SCAF4: variants seen among roughly 807,000 people sequenced by gnomAD.
SCAF4 encodes SR-related and CTD-associated factor 4.
In SCAF4, 25 loss-of-function variants were observed where a neutral mutation model predicts 129.8. The ratio of observed to expected loss-of-function variants is 0.19; its 90% confidence interval spans 0.14 to 0.27. The LOEUF (loss-of-function observed/expected upper bound fraction) is 0.27. Among genes scored for constraint, SCAF4 ranks in the 10% least tolerant of loss-of-function variants. SCAF4 has a pLI of 1.00. For synonymous variants in SCAF4, 551 were observed against 497.7 expected (o/e 1.11, Z -1.43); for missense variants, 1,246 against 1,457.1 (o/e 0.86, Z 2.36).
At chr21:31,716,767 A>G (rs991320667) in intron 1 of SCAF4, among the ~76,000 whole-genome samples, 3 of 152,162 alleles carry the variant, frequency 2.0e-5, no homozygotes, top group Non-Finnish European at 2.9e-5. Flanking sequence ...CCTTCAATAT[A>G]TAATTTACTA....
Position 31,694,306 on chromosome 21 carries a change from C to T in SCAF4, c.1237-17G>A. 6.7e-7 allele frequency: 1 copy of T among 1,486,844 alleles called. No homozygotes were observed. Among genetic ancestry groups the T allele is most frequent in the Non-Finnish European group, 9.3e-7 (1 of 1,077,996 alleles). 92.1% of individuals were successfully genotyped at this position (1,486,844 alleles called of 1,614,324 possible). A position where few individuals can be genotyped will look rare whatever the true frequency, so the allele number is the denominator to read the frequency against. On this transcript the variant is annotated splice_polypyrimidine_tract_variant and intron_variant, in intron 10 of 19. Transcript: ENST00000286835. ...TTCCATTTCCTTAAAAAACAAAAAC[C>T]ATGATAAAATGAGAAATTTAAAAAG... is the stretch of plus-strand genomic sequence containing the variant.
rs535238885 is a variant in SCAF4, at chr21:31,676,515, G to C, written c.2489-4161C>G. ...TCTGCCTAATCTCCACCTGGACATG[G>C]AGTATGCTGACTGCTCTCATTTCAA... is the stretch of plus-strand genomic sequence containing the variant. On this transcript the variant is annotated intron_variant, in intron 19 of 19. Coordinates refer to ENST00000286835, the MANE Select transcript of SCAF4 (RefSeq NM_020706.2). Among the ~76,000 whole-genome samples the C allele has an allele frequency of 2.6e-5, 4 of 152,232 alleles. No homozygotes were observed. The South Asian group carries it at 8.3e-4, about 32-fold the overall frequency.
Position 31,696,140 on chromosome 21 carries a change from T to G in SCAF4, c.1041A>C (p.Gly347=). 8.1e-6 allele frequency: 13 copies of G among 1,613,434 alleles called. No homozygotes were observed. The highest frequency in any genetic ancestry group is 1.1e-5 in the Non-Finnish European group (13 of 1,179,416). ...NMDQFQPRMM[G]IQQDPMHHQV... ...GATGGTGCATTGGATCCTGTTGTATTCCCATCATTCGTGGCTGAAACTGAT... is the reference window on the plus strand; with the variant it reads ...GATGGTGCATTGGATCCTGTTGTATGCCCATCATTCGTGGCTGAAACTGAT... The change falls in exon 9 of 20, where the codon GGA becomes GGC. Residue 347 remains glycine, a synonymous_variant. Transcript: ENST00000286835.
rs2049701786 is a variant in SCAF4, at chr21:31,671,714, G to C, written c.3129C>G (p.His1043Gln). 1.2e-6 allele frequency: 2 copies of C among 1,613,988 alleles called. No individual in the cohort carries two copies. Among genetic ancestry groups the C allele is most frequent in the Non-Finnish European group, 1.7e-6 (2 of 1,179,956 alleles). The change falls in exon 20 of 20, where the codon CAC (histidine) becomes CAG (glutamine). Residue 1043 changes from histidine (H) to glutamine (Q), a missense_variant. By Grantham distance (24) the His-to-Gln change is conservative (BLOSUM62 0). Coordinates refer to ENST00000286835, the MANE Select transcript of SCAF4 (RefSeq NM_020706.2). ...GTCTATTTCTCTCTTCCAAGTCTCT[G>C]TGCCTGTCCCGGTCAGGGCTCCTCC... ...WGRRSPDRDR[H>Q]RDLEERNRRS...
At chr21:31,710,608 A>G (rs1177623695) in intron 1 of SCAF4, among the ~76,000 whole-genome samples, 1 of 152,186 alleles carries the variant, frequency 6.6e-6, no homozygotes, top group Admixed American at 6.5e-5. Flanking sequence ...ATACATACCA[A>G]AAATTTCAAT....
At chr21:31,701,274 A>T in intron 6 of SCAF4, 103 bp from the exon 7 acceptor site, 1 of 1,006,092 alleles carries the variant, frequency 9.9e-7, no homozygotes, top group Non-Finnish European at 1.4e-6. Context: ...AAAGTAGCAT[A>T]GGCACAGAAC....
intron 1 of SCAF4, among the ~76,000 whole-genome samples, chr21:31,720,946 G>T (rs949183440): frequency 4.6e-5 from 7 of 152,116 alleles, no homozygotes; most frequent in Non-Finnish European, 1.0e-4. Flanking sequence ...CAACAAAATG[G>T]TTATGATATA....
In SCAF4 at chr21:31,671,747, C is replaced by T; in HGVS notation, c.3096G>A (p.Glu1032=). ...DRDNSNRDRR[E]WGRRSPDRDR... Reference sequence around the variant, plus strand: ...CCCGGTCAGGGCTCCTCCTTCCCCACTCTCTCCTGTCACGGTTACTATTAT... The same window carrying T: ...CCCGGTCAGGGCTCCTCCTTCCCCATTCTCTCCTGTCACGGTTACTATTAT... Residue 1032 remains glutamate (E), a synonymous_variant, in exon 20 of 20, where the codon GAG becomes GAA. Transcript: ENST00000286835. The T allele has an allele frequency of 6.2e-7, 1 of 1,614,194 alleles. No individual in the cohort carries two copies. Among genetic ancestry groups the T allele is most frequent in the Non-Finnish European group, 8.5e-7 (1 of 1,180,012 alleles).
intron 1 of SCAF4, among the ~76,000 whole-genome samples, chr21:31,727,903 G>A (rs901499613): frequency 7.2e-6 from 1 of 138,490 alleles, no homozygotes; most frequent in African/African-American, 2.8e-5. Flanking sequence ...AGCCATAATT[G>A]ATAACTGATA....
intron 14 of SCAF4, 101 bp from the exon 15 acceptor site, chr21:31,691,054 A>G: frequency 1.1e-6 from 1 of 928,492 alleles, no homozygotes; most frequent in Non-Finnish European, 1.6e-6. Flanking sequence ...CTCGGGCACC[A>G]AGGGAGCAAT....
At chr21:31,722,724 G>C (rs749072211) in intron 1 of SCAF4, among the ~76,000 whole-genome samples, 20 of 152,204 alleles carry the variant, frequency 1.3e-4, no homozygotes, top group Admixed American at 2.6e-4. Flanking sequence ...GGGAGGCTGA[G>C]GCAGGTGGAT....
chr21:31,688,538 G>T, intron 15 of SCAF4, 74 bp from the exon 16 acceptor site: 1 of 1,296,210 alleles, frequency 7.7e-7, no homozygotes, highest in Non-Finnish European at 1.1e-6. Flanking sequence ...AATGAAAAAT[G>T]TTGATTATAA....
intron 19 of SCAF4, among the ~76,000 whole-genome samples, chr21:31,683,005 G>A (rs2050031138): frequency 6.6e-6 from 1 of 152,190 alleles, no homozygotes; most frequent in Admixed American, 6.5e-5. Context: ...TCTCATGACT[G>A]AACTAACATA....
rs368469825 is a variant in SCAF4 at position 31,685,380 on chromosome 21, A to G, written c.2296+18T>C. ...GCTCCAAGAGGATAAGCAAACACAA[A>G]GAAAAAAACATGCTTACAGTTTGGG... On this transcript the variant is annotated intron_variant, in intron 18 of 19. Coordinates refer to ENST00000286835, the MANE Select transcript of SCAF4 (RefSeq NM_020706.2). 1 of 1,596,302 alleles carries G rather than the reference A, an allele frequency of 6.3e-7. No individual in the cohort carries two copies. The highest frequency in any genetic ancestry group is 1.3e-5 in the African/African-American group (1 of 74,384).
At chr21:31,710,068 C>A (rs1383285038) in intron 1 of SCAF4, among the ~76,000 whole-genome samples, 2 of 152,062 alleles carry the variant, frequency 1.3e-5, no homozygotes, top group Non-Finnish European at 2.9e-5. Flanking sequence ...TCTGTGCCTG[C>A]CTGTATATTG....
intron 1 of SCAF4, chr21:31,712,886 G>T (rs1568857705): frequency 8.2e-6 from 8 of 973,164 alleles, no homozygotes; most frequent in Non-Finnish European, 9.8e-6. Flanking sequence ...ACTGTTAATA[G>T]CATGAAATGA....
intron 1 of SCAF4, among the ~76,000 whole-genome samples, chr21:31,715,165 C>T (rs1305355908): frequency 2.6e-5 from 4 of 152,170 alleles, no homozygotes; most frequent in African/African-American, 9.6e-5. Context: ...TATTTCTTGT[C>T]TAATCTTGCT....
At chr21:31,695,146 T>C (rs186097672) in intron 9 of SCAF4, among the ~76,000 whole-genome samples, 166 bp from the exon 10 acceptor site, 63 of 152,354 alleles carry the variant, frequency 4.1e-4, no homozygotes, top group African/African-American at 1.3e-3. Context: ...CACGCAAGAA[T>C]TGTTACATAC....
At chr21:31,718,707 G>A (rs1263938405) in intron 1 of SCAF4, among the ~76,000 whole-genome samples, 2 of 152,156 alleles carry the variant, frequency 1.3e-5, no homozygotes, top group Non-Finnish European at 2.9e-5. Flanking sequence ...ATCTACTTCT[G>A]TACAAAATTT....
Sources: gnomAD v4.1 joint callset for allele counts (sites outside exome capture counted in the v4.1 genomes callset) on GRCh38, gnomAD v4.1.1 for gene constraint, MANE v1.5 for transcripts, NCBI Gene and HGNC (gene_info 2026-07-23, HGNC 2026-07-21) for gene names.